The following RCHY1 variants were observed in gnomAD, a reference collection of about 807,000 sequenced individuals.
RCHY1 encodes RING finger and CHY zinc finger domain-containing protein 1.
In RCHY1, 21 loss-of-function variants were observed where a neutral mutation model predicts 41.6. The observed-to-expected ratio is 0.51, with a 90% CI of 0.36 to 0.73. RCHY1 has a LOEUF of 0.73. Among genes scored for constraint, RCHY1 ranks in the 30% least tolerant of loss-of-function variants. The pLI is 0.00. For synonymous variants in RCHY1, 79 were observed against 102.9 expected (o/e 0.77, Z 1.41); for missense variants, 265 against 325.3 (o/e 0.81, Z 1.43).
At chr4:75,505,205 T>C (rs772036533) in intron 3 of RCHY1, among the ~76,000 whole-genome samples, 2 of 152,190 alleles carry the variant, frequency 1.3e-5, no homozygotes, top group Non-Finnish European at 2.9e-5. Flanking sequence ...GAGAATCTAA[T>C]GCTACTACTG....
intron 3 of RCHY1, among the ~76,000 whole-genome samples, chr4:75,508,543 T>C (rs1279358217): frequency 6.6e-6 from 1 of 152,154 alleles, no homozygotes; most frequent in Non-Finnish European, 1.5e-5. Flanking sequence ...ACATATTTTA[T>C]AATCCAAAGG....
rs761667516 is a variant in RCHY1, at chr4:75,491,739, C to T, written c.494G>A (p.Gly165Glu). The T allele has an allele frequency of 2.5e-6, 4 of 1,612,624 alleles. No individual in the cohort carries two copies. Among genetic ancestry groups the T allele is most frequent in the Non-Finnish European group, 2.5e-6 (3 of 1,179,148 alleles). ...GTTACTTTACCTATGTAAAAGATGT[C>T]CACATGGCAAGACATGAGCAACAAC... ...SRVVAHVLPC[G>E]HLLHRTCYEE... The change falls in exon 6 of 9, where the codon GGA becomes GAA. Residue 165 changes from glycine to glutamate, a missense_variant. Coordinates refer to ENST00000324439, the MANE Select transcript of RCHY1 (RefSeq NM_015436.4).
intron 8 of RCHY1, among the ~76,000 whole-genome samples, chr4:75,487,541 T>TATATATTC (rs1722172884): frequency 8.4e-6 from 1 of 118,390 alleles, no homozygotes; most frequent in African/African-American, 3.6e-5. Flanking sequence ...ATATTCATAA[T>TATATATTC]ATATATATTC....
chr4:75,491,819 C>T (rs1578214244), intron 5 of RCHY1, 37 bp from the exon 6 acceptor site: 1 of 1,602,020 alleles, frequency 6.2e-7, no homozygotes, highest in African/African-American at 1.3e-5. Context: ...TGTATGAAGA[C>T]AATATAAACA....
intron 3 of RCHY1, among the ~76,000 whole-genome samples, chr4:75,501,072 C>T (rs889651142): frequency 2.6e-5 from 4 of 152,114 alleles, no homozygotes; most frequent in African/African-American, 9.7e-5. Flanking sequence ...TGCAATGGCA[C>T]GATTTTGGCT....
chr4:75,492,048 T>C, intron 4 of RCHY1, 115 bp from the exon 5 acceptor site: 2 of 673,178 alleles, frequency 3.0e-6, no homozygotes, highest in South Asian at 5.3e-5. Context: ...ATAGCTAACA[T>C]TAATATATGC....
At chr4:75,500,392 A>G (rs528863714) in intron 3 of RCHY1, among the ~76,000 whole-genome samples, 33 of 152,330 alleles carry the variant, frequency 2.2e-4, no homozygotes, top group Admixed American at 6.5e-4. Context: ...TGTACATTAC[A>G]GTAAGGATAT....
chr4:75,511,969 C>A (rs1578244479), intron 1 of RCHY1, among the ~76,000 whole-genome samples: 1 of 152,110 alleles, frequency 6.6e-6, no homozygotes, highest in Admixed American at 6.5e-5. Flanking sequence ...CAATTCCAAG[C>A]ATGAAATTCT....
In RCHY1 at chr4:75,479,956, G is replaced by T. The variant is rs549542285; in HGVS notation, c.*2582C>A. On this transcript the variant is annotated 3_prime_UTR_variant, in exon 9 of 9. Coordinates refer to ENST00000324439, the MANE Select transcript of RCHY1 (RefSeq NM_015436.4). ...AGAGTTTTTTACCTTCTTTCTTATA[G>T]AGGTATAACCTATACTTATGAAGTC... 10 of 152,220 alleles carry T rather than the reference G, an allele frequency of 6.6e-5. No individual in the cohort carries two copies. The highest frequency in any genetic ancestry group is 2.4e-4 in the African/African-American group (10 of 41,538). The allele number at this position is 152,220 out of a possible 1,614,324, so 9.4% of individuals were successfully genotyped here. A position where few individuals can be genotyped will look rare whatever the true frequency, so the allele number is the denominator to read the frequency against.
At chr4:75,500,942 G>C (rs1423231293) in intron 3 of RCHY1, among the ~76,000 whole-genome samples, 1 of 151,982 alleles carries the variant, frequency 6.6e-6, no homozygotes, top group Non-Finnish European at 1.5e-5. Flanking sequence ...ATCATGAAAG[G>C]ATAGTTTTCA....
Position 75,481,878 on chromosome 4 carries a change from T to C in RCHY1, c.*660A>G, listed in dbSNP as rs565433145. On this transcript the variant is annotated 3_prime_UTR_variant, in exon 9 of 9. Transcript: ENST00000324439. ...TTTGGAAGAGTCTTATTATTTTACA[T>C]AATAATTTTCCCAACTACTTTTATG... 1.3e-5 allele frequency: 2 copies of C among 152,310 alleles called. No homozygotes were observed. Among genetic ancestry groups the C allele is most frequent in the South Asian group, 2.1e-4 (1 of 4,828 alleles). 9.4% of individuals were successfully genotyped at this position (152,310 alleles called of 1,614,324 possible).
At chr4:75,500,864 A>G (rs10018377) in intron 3 of RCHY1, among the ~76,000 whole-genome samples, 46,967 of 152,070 alleles carry the variant, frequency 0.31, 7,621 homozygotes, top group Non-Finnish European at 0.35. Flanking sequence ...TGCAGCTCCA[A>G]AAAGACTGAT....
chr4:75,491,031 T>A (rs1352893227), intron 7 of RCHY1: 1 of 179,580 alleles, frequency 5.6e-6, no homozygotes, highest in Admixed American at 6.1e-5. Flanking sequence ...AATACACTCA[T>A]GTAAAGAGAC....
At chr4:75,486,243 C>G (rs1308220437) in intron 8 of RCHY1, among the ~76,000 whole-genome samples, 1 of 152,108 alleles carries the variant, frequency 6.6e-6, no homozygotes, top group Non-Finnish European at 1.5e-5. Context: ...ACTTGAGACT[C>G]AAGATGACTG....
intron 3 of RCHY1, among the ~76,000 whole-genome samples, chr4:75,504,965 T>C (rs561105814): frequency 1.3e-5 from 2 of 152,328 alleles, no homozygotes; most frequent in East Asian, 1.9e-4. Context: ...CTGCCAAAGA[T>C]ATACTGCCTA....
intron 3 of RCHY1, among the ~76,000 whole-genome samples, chr4:75,495,541 G>T (rs139943147): frequency 6.6e-6 from 1 of 151,962 alleles, no homozygotes; most frequent in Non-Finnish European, 1.5e-5. Context: ...ACCCTCAAGA[G>T]GAAAAATATG....
chr4:75,512,851 C>T (rs1357368418), intron 1 of RCHY1, among the ~76,000 whole-genome samples: 1 of 144,020 alleles, frequency 6.9e-6, no homozygotes, highest in Non-Finnish European at 1.5e-5. Context: ...CTGCATTTGA[C>T]CCAGCTGACC....
rs943628890 is a variant in RCHY1 at position 75,514,260 on chromosome 4, G to A, written c.27C>T (p.Gly9=). The A allele has an allele frequency of 2.5e-6, 4 of 1,612,454 alleles. No homozygotes were observed. The highest frequency in any genetic ancestry group is 3.4e-6 in the Non-Finnish European group (4 of 1,178,686). MAATARED[G]ASGQERGQRG... The stretch of plus-strand genomic sequence containing the variant: ...GCTGACCTCGCTCTTGACCGCTGGC[G>A]CCATCTTCCCGGGCCGTCGCCGCCA... The change falls in exon 1 of 9, where the codon GGC becomes GGT. Residue 9 remains glycine, a synonymous_variant. Transcript: ENST00000324439.
intron 3 of RCHY1, among the ~76,000 whole-genome samples, chr4:75,504,525 A>T (rs1724112430): frequency 2.0e-5 from 3 of 152,238 alleles, no homozygotes. Flanking sequence ...TACATATAAC[A>T]TACAAAATAT....
Sources: allele counts gnomAD v4.1 joint callset (sites outside exome capture counted in the v4.1 genomes callset), GRCh38; gene constraint gnomAD v4.1.1; transcripts MANE v1.5; gene names NCBI Gene and HGNC (gene_info 2026-07-23, HGNC 2026-07-21).